Variants in PIK3C2G observed in about 807,000 individuals in gnomAD.
PIK3C2G encodes phosphatidylinositol-4-phosphate 3-kinase catalytic subunit type 2 gamma.
Under a neutral mutation model 181.1 loss-of-function variants are expected in PIK3C2G, and 168 were observed. The ratio of observed to expected loss-of-function variants is 0.93; its 90% CI spans 0.82 to 1.05. The LOEUF is 1.05. Ranked by LOEUF, PIK3C2G falls within the 50% of genes least tolerant of loss-of-function variation. PIK3C2G has a pLI of 0.00. For synonymous variants in PIK3C2G, 573 were observed against 592.2 expected (o/e 0.97, Z 0.47); for missense variants, 1,869 against 1,732.8 (o/e 1.08, Z -1.40).
intron 18 of PIK3C2G, among the ~76,000 whole-genome samples, chr12:18,452,436 T>A (rs1947413327): frequency 6.6e-6 from 1 of 152,176 alleles, no homozygotes; most frequent in East Asian, 1.9e-4. Flanking sequence ...TCATTTTTTA[T>A]TGTGCCTATT....
the PIK3C2G span, among the ~76,000 whole-genome samples, chr12:18,669,408 T>G: frequency 6.6e-6 from 1 of 152,226 alleles, no homozygotes; most frequent in African/African-American, 2.4e-5. Flanking sequence ...ATAATTATCC[T>G]CACTTTAAAT....
chr12:18,577,243 G>A (rs565934282), intron 29 of PIK3C2G, among the ~76,000 whole-genome samples: 14 of 152,264 alleles, frequency 9.2e-5, no homozygotes, highest in African/African-American at 2.9e-4. Flanking sequence ...TTTTGTAAAG[G>A]TGTACACAGC....
intron 8 of PIK3C2G, among the ~76,000 whole-genome samples, chr12:18,334,140 G>GAAATTAGA (rs1938269730): frequency 1.3e-5 from 2 of 152,118 alleles, no homozygotes; most frequent in African/African-American, 4.8e-5. Flanking sequence ...TTAATCCAAA[G>GAAATTAGA]AAATTAGAAA....
intron 13 of PIK3C2G, among the ~76,000 whole-genome samples, chr12:18,380,412 TCCTCTTGCATTCTG>T (rs1942760830): frequency 6.6e-6 from 1 of 152,188 alleles, no homozygotes; most frequent in Non-Finnish European, 1.5e-5. Context: ...TGTTTCTTCC[TCCTCTTGCATTCTG>T]CCTAACACTA....
intron 1 of PIK3C2G, among the ~76,000 whole-genome samples, chr12:18,250,258 T>C (rs1392429105): frequency 6.6e-6 from 1 of 152,030 alleles, no homozygotes; most frequent in African/African-American, 2.4e-5. Flanking sequence ...TATTATTTAA[T>C]TGTACCAACA....
chr12:18,514,552 C>G (rs1361804158), intron 24 of PIK3C2G, among the ~76,000 whole-genome samples: 1 of 151,826 alleles, frequency 6.6e-6, no homozygotes, highest in East Asian at 1.9e-4. Flanking sequence ...TAGTTCTCTA[C>G]TGGCATATAG....
chr12:18,516,217 T>C (rs1407038809), intron 24 of PIK3C2G, among the ~76,000 whole-genome samples: 1 of 151,878 alleles, frequency 6.6e-6, no homozygotes, highest in Non-Finnish European at 1.5e-5. Flanking sequence ...CTCTCCATGA[T>C]GTTTTAAGAA....
intron 1 of PIK3C2G, among the ~76,000 whole-genome samples, chr12:18,249,471 C>T (rs970137977): frequency 2.6e-5 from 4 of 152,098 alleles, no homozygotes; most frequent in African/African-American, 7.2e-5. Context: ...TTTCATCCTA[C>T]TCATGGTCCT....
intron 13 of PIK3C2G, among the ~76,000 whole-genome samples, chr12:18,375,461 C>G (rs766885278): frequency 6.6e-6 from 1 of 152,184 alleles, no homozygotes; most frequent in Non-Finnish European, 1.5e-5. Context: ...ACAGCCTCAT[C>G]TCAGATTCAG....
intron 18 of PIK3C2G, among the ~76,000 whole-genome samples, chr12:18,461,961 C>T (rs1947942434): frequency 6.6e-6 from 1 of 152,216 alleles, no homozygotes; most frequent in South Asian, 2.1e-4. Flanking sequence ...ACTCTGACCT[C>T]TGCTTCTGTT....
intron 5 of PIK3C2G, among the ~76,000 whole-genome samples, chr12:18,303,569 C>T (rs1950300477): frequency 6.6e-6 from 1 of 152,114 alleles, no homozygotes; most frequent in Admixed American, 6.6e-5. Context: ...CTCCAGTGAT[C>T]AGCCCACCTT....
intron 5 of PIK3C2G, among the ~76,000 whole-genome samples, chr12:18,299,345 TTGTTA>T (rs1484626937): frequency 6.6e-6 from 1 of 151,942 alleles, no homozygotes. Flanking sequence ...TCCAGTTAGT[TTGTTA>T]TGGGTTCATA....
At chr12:18,365,551 A>G (rs1316986740) in intron 12 of PIK3C2G, among the ~76,000 whole-genome samples, 1 of 152,058 alleles carries the variant, frequency 6.6e-6, no homozygotes, top group Admixed American at 6.6e-5. Context: ...CTCACCCTCC[A>G]TCTTGAAATT....
intron 30 of PIK3C2G, among the ~76,000 whole-genome samples, chr12:18,602,569 C>T (rs183392291): frequency 2.6e-5 from 4 of 152,142 alleles, no homozygotes; most frequent in African/African-American, 9.6e-5. Flanking sequence ...GACAGGAGGC[C>T]ATCAGCACAA....
In PIK3C2G at chr12:18,508,018, C is replaced by T. The variant is rs116223957; in HGVS notation, c.3323+2557C>T. 6.5e-3 allele frequency among the ~76,000 whole-genome samples: 983 copies of T among 152,260 alleles called. 5 individuals are homozygous for T. Among genetic ancestry groups the T allele is most frequent in the African/African-American group, 0.022 (903 of 41,542 alleles). ...CCCAGCATACAGCCACACTCATAATCGGTTCTTAATATTTTCTGCTGAATT... is the reference window on the plus strand; with the variant it reads ...CCCAGCATACAGCCACACTCATAATTGGTTCTTAATATTTTCTGCTGAATT... On this transcript the variant is annotated intron_variant, in intron 24 of 32. Transcript: ENST00000538779.
chr12:18,455,947 T>G (rs7139335), intron 18 of PIK3C2G, among the ~76,000 whole-genome samples: 24,908 of 152,118 alleles, frequency 0.16, 2,295 homozygotes, highest in South Asian at 0.38. Context: ...AATCTGTCAA[T>G]GACATTCGCC....
chr12:18,446,701 ATATT>A lies in PIK3C2G; in HGVS notation c.2504+22665_2504+22668del, dbSNP rs1250510617. Among the ~76,000 whole-genome samples, 8 of 152,308 alleles carry A rather than the reference ATATT, an allele frequency of 5.3e-5. No individual in the cohort carries two copies. In the East Asian group the frequency reaches 1.3e-3, roughly 26 times the overall value. On this transcript the variant is annotated intron_variant, in intron 18 of 32. Coordinates refer to ENST00000538779, the MANE Select transcript of PIK3C2G (RefSeq NM_001288772.2). ...TTAACATAGGAATGATTAAAAGTGA[ATATT>A]TAATCATTGGCATGAACCATGCACA...
At chr12:18,589,930 C>T (rs1456815735) in intron 29 of PIK3C2G, among the ~76,000 whole-genome samples, 1 of 151,882 alleles carries the variant, frequency 6.6e-6, no homozygotes, top group South Asian at 2.1e-4. Context: ...GAAATTCTCT[C>T]TTGCTCTCTC....
chr12:18,334,215 T>C (rs536415012), intron 8 of PIK3C2G, among the ~76,000 whole-genome samples: 3 of 152,268 alleles, frequency 2.0e-5, no homozygotes, highest in South Asian at 2.1e-4. Flanking sequence ...ATATCCCTGA[T>C]TGATCATATA....
Sources: allele counts gnomAD v4.1 joint callset (sites outside exome capture counted in the v4.1 genomes callset), GRCh38; gene constraint gnomAD v4.1.1; transcripts MANE v1.5; gene names NCBI Gene and HGNC (gene_info 2026-07-23, HGNC 2026-07-21).